The following SP3 variants were observed in gnomAD, a reference collection of about 807,000 sequenced individuals.
SP3 encodes transcription factor Sp3.
A neutral mutation model predicts 70.3 loss-of-function variants in SP3; 10 were observed. The observed-to-expected ratio is 0.14, with a 90% CI of 0.09 to 0.24. The LOEUF (loss-of-function observed/expected upper bound fraction) is 0.24, where lower values mean the gene tolerates loss of function less well. SP3 is among the 10% of genes least tolerant of loss of function. The pLI is 1.00. For missense variants in SP3, 825 were observed against 914.6 expected (o/e 0.90, Z 1.26); for synonymous variants, 402 against 333.5 (o/e 1.21, Z -2.24).
intron 3 of SP3, among the ~76,000 whole-genome samples, chr2:173,958,679 T>C (rs1386641741): frequency 6.6e-6 from 1 of 151,282 alleles, no homozygotes; most frequent in African/African-American, 2.4e-5. Flanking sequence ...AAAAATTTGC[T>C]GAATACCCTA....
chr2:173,904,499 A>C lies in SP3; in HGVS notation c.*5442T>G, dbSNP rs1406829430. ...GGATGAAATGCAGATAGTGAAATGC[A>C]AGACACTGGAACAAACACTGCCAAG... On this transcript the variant is annotated 3_prime_UTR_variant, in exon 7 of 7. Coordinates refer to ENST00000310015, the MANE Select transcript of SP3 (RefSeq NM_003111.5). Among the ~76,000 whole-genome samples the C allele has an allele frequency of 6.6e-6, 1 of 152,226 alleles. No homozygotes were observed. The highest frequency in any genetic ancestry group is 1.5e-5 in the Non-Finnish European group (1 of 68,040).
At position 173,963,832 on chromosome 2, in the gene SP3, C is replaced by A; in HGVS notation, c.208G>T (p.Gly70Trp). 1.3e-6 allele frequency: 2 copies of A among 1,496,358 alleles called. No individual in the cohort carries two copies. Among genetic ancestry groups the A allele is most frequent in the Non-Finnish European group, 1.8e-6 (2 of 1,117,968 alleles). 92.7% of individuals were successfully genotyped at this position (1,496,358 alleles called of 1,614,324 possible). Residue 70 changes from glycine (G) to tryptophan (W), a missense_variant, in exon 3 of 7, where the codon GGG (glycine) becomes TGG (tryptophan). Gly to Trp is a radical substitution (Grantham distance 184, BLOSUM62 -2). Around this residue, in one of 4 missense-constraint regions of SP3, gnomAD observed 678 missense variants for 651.6 expected, o/e 1.04. Coordinates refer to ENST00000310015, the MANE Select transcript of SP3 (RefSeq NM_003111.5). ...ALLAATCSKI[G>W]PPSPGDDEEE... is the part of the protein sequence containing the mutation. ...TCGTCGTCGCCCGGCGATGGCGGCC[C>A]TATCTTGCTGCAGGTAGCGGCCAGC...
intron 4 of SP3, among the ~76,000 whole-genome samples, chr2:173,954,376 T>A (rs981338255): frequency 6.6e-6 from 1 of 152,174 alleles, no homozygotes; most frequent in Non-Finnish European, 1.5e-5. Context: ...AACACCTCCA[T>A]TTTACACAAC....
Position 173,918,782 on chromosome 2 carries a change from A to C in SP3, c.1643T>G (p.Ile548Ser). ...PGENADSPAD[I>S]RIKEEEPDPE... ...ATCAGGTTCTTCTTCCTTGATCCTA[A>C]TATCTAAAGGGAAAAAAAAACCAAA... The change falls in exon 5 of 7, where the codon ATT (isoleucine) becomes AGT (serine). Residue 548 changes from isoleucine to serine, a missense_variant. Ile to Ser is a moderately radical substitution (Grantham distance 142). Coordinates refer to ENST00000310015, the MANE Select transcript of SP3 (RefSeq NM_003111.5). 1 of 1,606,496 alleles carries C rather than the reference A, an allele frequency of 6.2e-7. No homozygotes were observed. Among genetic ancestry groups the C allele is most frequent in the Non-Finnish European group, 8.5e-7 (1 of 1,176,910 alleles).
intron 2 of SP3, 73 bp downstream of exon 2, chr2:173,964,332 A>AGGGAGGGGAGAGGCGAG (rs1691203689): frequency 2.7e-5 from 14 of 525,176 alleles, no homozygotes; most frequent in Non-Finnish European, 2.7e-5. Flanking sequence ...TGAGGCGAGG[A>AGGGAGGGGAGAGGCGAG]GGGAGGGGAG....
intron 3 of SP3, among the ~76,000 whole-genome samples, chr2:173,959,751 C>T (rs1409020017): frequency 6.6e-6 from 1 of 151,756 alleles, no homozygotes. Context: ...GAGACTCAGT[C>T]TCAAAAAAAT....
In SP3 at chr2:173,904,422, A is replaced by T. The variant is rs1197616465; in HGVS notation, c.*5519T>A. Among the ~76,000 whole-genome samples the T allele has an allele frequency of 1.3e-5, 2 of 151,328 alleles. No homozygotes were observed. Among genetic ancestry groups the T allele is most frequent in the Non-Finnish European group, 2.9e-5 (2 of 68,012 alleles). On this transcript the variant is annotated 3_prime_UTR_variant, in exon 7 of 7. Transcript: ENST00000310015. ...AGCCTTCTGACTTAAGAAAAAACTA[A>T]GTTGGGGAGTCTCTCTGTAAGGTTT... is the stretch of plus-strand genomic sequence containing the variant.
In SP3 at chr2:173,904,480, A is replaced by C. The variant is rs79891374; in HGVS notation, c.*5461T>G. 2.4e-3 allele frequency among the ~76,000 whole-genome samples: 365 copies of C among 149,808 alleles called. 4 individuals are homozygous for C. The highest frequency in any genetic ancestry group is 8.5e-3 in the African/African-American group (352 of 41,452). On this transcript the variant is annotated 3_prime_UTR_variant, in exon 7 of 7. Coordinates refer to ENST00000310015, the MANE Select transcript of SP3 (RefSeq NM_003111.5). ...ATCTTGTGGAACCCCAGGAGGATGA[A>C]ATGCAGATAGTGAAATGCAAGACAC...
At chr2:173,965,037 T>C (rs1400245435) in intron 1 of SP3, 128 bp downstream of exon 1, 10 of 1,278,428 alleles carry the variant, frequency 7.8e-6, no homozygotes, top group Middle Eastern at 2.6e-4. Flanking sequence ...AGTGCAGCTT[T>C]CTGCCTCTCA....
chr2:173,905,396 G>T lies in SP3; in HGVS notation c.*4545C>A, dbSNP rs549935893. Among the ~76,000 whole-genome samples the T allele has an allele frequency of 3.3e-5, 5 of 152,210 alleles. No homozygotes were observed. In the South Asian group the frequency reaches 6.2e-4, roughly 19 times the overall value. On this transcript the variant is annotated 3_prime_UTR_variant, in exon 7 of 7. Coordinates refer to ENST00000310015, the MANE Select transcript of SP3 (RefSeq NM_003111.5). ...TATTGTTAGCCTCTTCATGGATGAT[G>T]AAAATGAGGTTTTAAGGTAAGAAAA...
intron 4 of SP3, among the ~76,000 whole-genome samples, chr2:173,947,114 A>C (rs1690566363): frequency 6.6e-6 from 1 of 152,152 alleles, no homozygotes; most frequent in Non-Finnish European, 1.5e-5. Flanking sequence ...ATTTTAGTTC[A>C]AGTCAGAGAT....
intron 6 of SP3, among the ~76,000 whole-genome samples, chr2:173,911,216 G>A (rs1689473008): frequency 6.6e-6 from 1 of 152,042 alleles, no homozygotes; most frequent in Non-Finnish European, 1.5e-5. Flanking sequence ...AAAACTTCAA[G>A]ATTATATTAA....
chr2:173,938,573 T>C (rs1436447190), intron 4 of SP3, among the ~76,000 whole-genome samples: 1 of 144,704 alleles, frequency 6.9e-6, no homozygotes, highest in Admixed American at 7.0e-5. Context: ...ATTTTATCCA[T>C]CAAAAAAAAG....
At chr2:173,963,994 G>T (rs1430156898) in intron 2 of SP3, 111 bp from the exon 3 acceptor site, 2 of 648,102 alleles carry the variant, frequency 3.1e-6, no homozygotes, top group Non-Finnish European at 2.3e-6. Context: ...ACTGCGCCCG[G>T]GCAAGCGCCA....
At chr2:173,958,185 GAC>G (rs1392995346) in intron 3 of SP3, among the ~76,000 whole-genome samples, 3 of 150,282 alleles carry the variant, frequency 2.0e-5, no homozygotes, top group Non-Finnish European at 4.4e-5. Context: ...TAGTAACTCA[GAC>G]ACAAATTAAT....
chr2:173,952,102 T>TG (rs1491367129), intron 4 of SP3, among the ~76,000 whole-genome samples: 2 of 66,390 alleles, frequency 3.0e-5, no homozygotes, highest in Non-Finnish European at 2.8e-5. Context: ...GCTCACTTCA[T>TG]TTTTTTTTTT....
intron 4 of SP3, among the ~76,000 whole-genome samples, chr2:173,941,068 C>T (rs1690358562): frequency 6.6e-6 from 1 of 151,078 alleles, no homozygotes; most frequent in African/African-American, 2.4e-5. Flanking sequence ...AGAAAACCAA[C>T]CTCCTCAACC....
At position 173,906,572 on chromosome 2, in the gene SP3, T is replaced by A. The variant is rs1689329754; in HGVS notation, c.*3369A>T. The A allele has an allele frequency of 6.6e-6, 1 of 152,242 alleles. No homozygotes were observed. Among genetic ancestry groups the A allele is most frequent in the Non-Finnish European group, 1.5e-5 (1 of 68,030 alleles). The allele number at this position is 152,242 out of a possible 1,614,324, so 9.4% of individuals were successfully genotyped here. A position where few individuals can be genotyped will look rare whatever the true frequency, so the allele number is the denominator to read the frequency against. Reference sequence around the variant, plus strand: ...AAATTGTGTAACAGGTAGCATAACATGTCAGTTTATATTATTTTAAAACCA... The same window carrying A: ...AAATTGTGTAACAGGTAGCATAACAAGTCAGTTTATATTATTTTAAAACCA... On this transcript the variant is annotated 3_prime_UTR_variant, in exon 7 of 7. Coordinates refer to ENST00000310015, the MANE Select transcript of SP3 (RefSeq NM_003111.5).
chr2:173,921,530 AAAACAAACAAACAAAC>A lies in SP3; in HGVS notation c.1640-2761_1640-2746del, dbSNP rs57470941. 4.0e-5 allele frequency among the ~76,000 whole-genome samples: 6 copies of A among 150,060 alleles called. No individual in the cohort carries two copies. The South Asian group carries it at 8.4e-4, about 21-fold the overall frequency. On this transcript the variant is annotated intron_variant, in intron 4 of 6. Transcript: ENST00000310015. ...GAGAGAGCGGTCCCGTCACTATCCA[AAAACAAACAAACAAAC>A]AAACAAACAAACAAACAGGCCAGGC...
Sources: gnomAD v4.1 joint callset for allele counts (sites outside exome capture counted in the v4.1 genomes callset) on GRCh38, gnomAD v4.1.1 for gene constraint, gnomAD v4.1.1 regional missense constraint, MANE v1.5 for transcripts, NCBI Gene and HGNC (gene_info 2026-07-23, HGNC 2026-07-21) for gene names.